The following DLGAP2 variants were observed in gnomAD, a reference collection of about 807,000 sequenced individuals.
DLGAP2 encodes disks large-associated protein 2.
Under a neutral mutation model 100.3 loss-of-function variants are expected in DLGAP2, and 26 were observed. The observed-to-expected ratio is 0.26, with a 90% confidence interval of 0.19 to 0.36. The LOEUF (loss-of-function observed/expected upper bound fraction) is 0.36, where lower values mean the gene tolerates loss of function less well. Ranked by LOEUF, DLGAP2 falls within the 10% of genes least tolerant of loss-of-function variation. DLGAP2 has a pLI of 1.00. For synonymous variants in DLGAP2, 886 were observed against 630.1 expected (o/e 1.41, Z -6.08); for missense variants, 1,858 against 1,453.2 (o/e 1.28, Z -4.53).
rs936148195 is a variant in DLGAP2, at chr8:1,441,627, G to A, written c.107-59739G>A. Among the ~76,000 whole-genome samples the A allele has an allele frequency of 1.0e-4, 15 of 149,648 alleles. No homozygotes were observed. In the East Asian group the frequency reaches 1.2e-3, roughly 12 times the overall value. ...CGCTTGAGCCCAGGAGGCGGAGGTTGCAGTGAGCCGAGATCACACCACTGC... is the reference window on the plus strand; with the variant it reads ...CGCTTGAGCCCAGGAGGCGGAGGTTACAGTGAGCCGAGATCACACCACTGC... On this transcript the variant is annotated intron_variant, in intron 3 of 14. Coordinates refer to ENST00000637795, the MANE Select transcript of DLGAP2 (RefSeq NM_001346810.2).
At chr8:943,553 C>A in intron 2 of DLGAP2, among the ~76,000 whole-genome samples, 1 of 151,944 alleles carries the variant, frequency 6.6e-6, no homozygotes, top group Non-Finnish European at 1.5e-5. Context: ...GTGTGGACGT[C>A]GTGATGTGGC....
At position 1,214,634 on chromosome 8, in the gene DLGAP2, A is replaced by G. The variant is rs375163845; in HGVS notation, c.74-44217A>G. Reference sequence around the variant, plus strand: ...TTGATCATGTGTCTGCTTCTTCCCTATTGTCTGTTTTCAGTTAGGCTCTGA... The same window carrying G: ...TTGATCATGTGTCTGCTTCTTCCCTGTTGTCTGTTTTCAGTTAGGCTCTGA... On this transcript the variant is annotated intron_variant, in intron 2 of 14. Coordinates refer to ENST00000637795, the MANE Select transcript of DLGAP2 (RefSeq NM_001346810.2). Among the ~76,000 whole-genome samples the G allele has an allele frequency of 6.6e-5, 10 of 151,990 alleles. No homozygotes were observed. In the East Asian group the frequency reaches 1.9e-3, roughly 29 times the overall value.
chr8:1,658,853 T>C (rs2130821661), intron 8 of DLGAP2, among the ~76,000 whole-genome samples: 1 of 152,330 alleles, frequency 6.6e-6, no homozygotes, highest in East Asian at 1.9e-4. Flanking sequence ...TGATCTTAGT[T>C]ATTTCTTGTC....
At chr8:1,189,104 T>A (rs1343069067) in intron 2 of DLGAP2, among the ~76,000 whole-genome samples, 5 of 137,286 alleles carry the variant, frequency 3.6e-5, no homozygotes, top group African/African-American at 1.3e-4. Flanking sequence ...GGGGTTGACC[T>A]TACACAGGGT....
chr8:750,930 G>A (rs900750414), intron 1 of DLGAP2, among the ~76,000 whole-genome samples: 8 of 152,362 alleles, frequency 5.3e-5, no homozygotes, highest in Non-Finnish European at 7.3e-5. Context: ...GCCCCGGCTC[G>A]TTTTGTCTGA....
chr8:1,587,725 C>T (rs749095973), intron 6 of DLGAP2, among the ~76,000 whole-genome samples: 1 of 152,126 alleles, frequency 6.6e-6, no homozygotes, highest in Non-Finnish European at 1.5e-5. Flanking sequence ...CTTTAAATTA[C>T]TTTTTCAAAT....
chr8:930,743 T>G (rs1486386098), intron 2 of DLGAP2, among the ~76,000 whole-genome samples: 1 of 152,210 alleles, frequency 6.6e-6, no homozygotes, highest in African/African-American at 2.4e-5. Context: ...TCCCGCTGTC[T>G]TCCAGAGCTG....
At chr8:1,289,626 A>G (rs755370932) in intron 3 of DLGAP2, among the ~76,000 whole-genome samples, 7 of 152,152 alleles carry the variant, frequency 4.6e-5, no homozygotes, top group African/African-American at 1.2e-4. Flanking sequence ...TGGCCTGGCT[A>G]GCGTTCCTAC....
chr8:1,332,389 G>C (rs1801178761), intron 3 of DLGAP2, among the ~76,000 whole-genome samples: 1 of 151,876 alleles, frequency 6.6e-6, no homozygotes. Context: ...ATGTGTGTTA[G>C]TGTGTGTCTG....
At chr8:858,720 T>C (rs981594680) in intron 1 of DLGAP2, among the ~76,000 whole-genome samples, 4 of 146,728 alleles carry the variant, frequency 2.7e-5, no homozygotes, top group Non-Finnish European at 4.5e-5. Flanking sequence ...TGTGTGATGC[T>C]CTCACCGTGG....
At chr8:1,478,037 T>G (rs1414670956) in intron 3 of DLGAP2, among the ~76,000 whole-genome samples, 1 of 152,206 alleles carries the variant, frequency 6.6e-6, no homozygotes, top group African/African-American at 2.4e-5. Flanking sequence ...TCCCCCTACG[T>G]AAGGGGTAAA....
Position 1,546,919 on chromosome 8 carries a change from A to G in DLGAP2, c.173-1707A>G, listed in dbSNP as rs368037258. On this transcript the variant is annotated intron_variant, in intron 4 of 14. Coordinates refer to ENST00000637795, the MANE Select transcript of DLGAP2 (RefSeq NM_001346810.2). ...AGGTATTGGACAAACGTGTGGGGGG[A>G]TAGTTCCCTTCCTGAGGAGACGGCC... Among the ~76,000 whole-genome samples, 64 of 152,028 alleles carry G rather than the reference A, an allele frequency of 4.2e-4. No homozygotes were observed. In the South Asian group the frequency reaches 8.7e-3, roughly 21 times the overall value.
rs142516685 is a variant in DLGAP2 at position 1,420,584 on chromosome 8, C to G, written c.107-80782C>G. On this transcript the variant is annotated intron_variant, in intron 3 of 14. Transcript: ENST00000637795. ...ACCTGAATATATTTAAAAATATGATCTTCTATGTTGAGCATCAATGTCAAA... is the reference window on the plus strand; with the variant it reads ...ACCTGAATATATTTAAAAATATGATGTTCTATGTTGAGCATCAATGTCAAA... Among the ~76,000 whole-genome samples the G allele has an allele frequency of 9.1e-4, 138 of 152,296 alleles. 1 individual carries two copies. The highest frequency in any genetic ancestry group is 3.2e-3 in the African/African-American group (132 of 41,572).
chr8:866,534 C>T (rs907454487), intron 1 of DLGAP2, among the ~76,000 whole-genome samples: 1 of 152,076 alleles, frequency 6.6e-6, no homozygotes, highest in African/African-American at 2.4e-5. Flanking sequence ...AGGGCCTGGC[C>T]TGTCAGTTGA....
chr8:1,273,920 C>G (rs568763769), intron 3 of DLGAP2, among the ~76,000 whole-genome samples: 2 of 152,296 alleles, frequency 1.3e-5, no homozygotes, highest in South Asian at 2.1e-4. Context: ...TGCTCTGACT[C>G]TGGACAATAA....
At chr8:849,288 G>A (rs139918491) in intron 1 of DLGAP2, among the ~76,000 whole-genome samples, 1 of 152,280 alleles carries the variant, frequency 6.6e-6, no homozygotes. Context: ...GTCTGTTCCA[G>A]TATAGGAACG....
chr8:1,565,316 T>C (rs201471957), intron 5 of DLGAP2, among the ~76,000 whole-genome samples: 1 of 139,294 alleles, frequency 7.2e-6, no homozygotes, highest in Non-Finnish European at 1.6e-5. Context: ...TTTTTTTTTT[T>C]CCTTTTCTTC....
intron 1 of DLGAP2, among the ~76,000 whole-genome samples, chr8:836,441 G>C (rs1796877460): frequency 6.6e-6 from 1 of 152,216 alleles, no homozygotes; most frequent in Non-Finnish European, 1.5e-5. Flanking sequence ...GGTCCTGCAG[G>C]CGCCCTGGCA....
At chr8:1,178,164 G>A (rs1038538568) in intron 2 of DLGAP2, among the ~76,000 whole-genome samples, 9 of 152,232 alleles carry the variant, frequency 5.9e-5, no homozygotes, top group African/African-American at 1.4e-4. Context: ...CTGCCTGAAG[G>A]CAGGGAAATG....
Sources: allele counts gnomAD v4.1 joint callset (sites outside exome capture counted in the v4.1 genomes callset), GRCh38; gene constraint gnomAD v4.1.1; transcripts MANE v1.5; gene names NCBI Gene and HGNC (gene_info 2026-07-23, HGNC 2026-07-21).